Variants in KRAS observed in about 807,000 individuals in gnomAD.
KRAS encodes the protein GTPase KRas.
In KRAS, 1 loss-of-function variant was observed where a neutral mutation model predicts 21.0. That is an observed-to-expected ratio of 0.05 (90% confidence interval 0.02 to 0.23). The LOEUF (loss-of-function observed/expected upper bound fraction) is 0.23. Ranked by LOEUF, KRAS falls within the 10% of genes least tolerant of loss-of-function variation. KRAS has a pLI of 1.00. For missense variants in KRAS, 107 were observed against 221.8 expected, an observed-to-expected ratio of 0.48 and a Z score of 3.29; for synonymous variants, 67 against 72.5, an observed-to-expected ratio of 0.92 and a Z score of 0.39.
At chr12:25,213,366 T>C (rs75898875) in intron 4 of KRAS, among the ~76,000 whole-genome samples, 9,393 of 152,252 alleles carry the variant, frequency 0.062, 391 homozygotes, top group Non-Finnish European at 0.093. Context: ...AAATAAAAAA[T>C]TAAAACCACC....
intron 1 of KRAS, among the ~76,000 whole-genome samples, chr12:25,245,608 T>A (rs1184895223): frequency 6.6e-6 from 1 of 152,234 alleles, no homozygotes; most frequent in Non-Finnish European, 1.5e-5. Context: ...AACTCCTCCA[T>A]CGACGCTTAA....
intron 4 of KRAS, among the ~76,000 whole-genome samples, chr12:25,214,144 G>A (rs1951228463): frequency 1.3e-5 from 2 of 152,162 alleles, no homozygotes; most frequent in South Asian, 2.1e-4. Context: ...GGAGACTGGG[G>A]AATCATGAGA....
At chr12:25,248,634 T>G (rs951994685) in intron 1 of KRAS, among the ~76,000 whole-genome samples, 3 of 151,540 alleles carry the variant, frequency 2.0e-5, no homozygotes, top group Non-Finnish European at 2.9e-5. Context: ...TTGAATGAGA[T>G]TTTTAAAACC....
At position 25,209,784 on chromosome 12, in the gene KRAS, A is replaced by T; in HGVS notation, c.*11T>A. 6.2e-7 allele frequency: 1 copy of T among 1,606,012 alleles called. No homozygotes were observed. Among genetic ancestry groups the T allele is most frequent in the Non-Finnish European group, 8.5e-7 (1 of 1,174,140 alleles). On this transcript the variant is annotated 3_prime_UTR_variant, in exon 5 of 5. Transcript: ENST00000311936. ...TACTAGTATGCCTTAAGAAAAAAGTACAAATTGTATTTACATAATTACACA... is the reference window on the plus strand; with the variant it reads ...TACTAGTATGCCTTAAGAAAAAAGTTCAAATTGTATTTACATAATTACACA...
rs1213931592 is a variant in KRAS, at chr12:25,209,813, T to C, written c.549A>G (p.Thr183=). The C allele has an allele frequency of 1.7e-5, 27 of 1,609,478 alleles. No individual in the cohort carries two copies. Among genetic ancestry groups the C allele is most frequent in the Non-Finnish European group, 2.3e-5 (27 of 1,176,596 alleles). The change falls in exon 5 of 5, where the codon ACA becomes ACG. Residue 183 remains threonine, a synonymous_variant. Coordinates refer to ENST00000311936, the MANE Select transcript of KRAS (RefSeq NM_004985.5). ...DGKKKKKKSK[T]KCVIM The stretch of plus-strand genomic sequence containing the variant: ...ATTGTATTTACATAATTACACACTT[T>C]GTCTTTGACTTCTTTTTCTTCTTTT...
intron 2 of KRAS, chr12:25,235,199 G>T: frequency 5.5e-6 from 3 of 546,232 alleles, no homozygotes; most frequent in South Asian, 4.8e-5. Context: ...AGTATTGTAA[G>T]GACTTTTTAC....
chr12:25,232,026 T>C (rs979665003), intron 2 of KRAS, among the ~76,000 whole-genome samples: 2 of 152,078 alleles, frequency 1.3e-5, no homozygotes, highest in African/African-American at 4.8e-5. Context: ...AGTCCTACAG[T>C]TGGCCCAGGA....
chr12:25,228,014 G>A (rs1397483658), intron 2 of KRAS, among the ~76,000 whole-genome samples: 5 of 152,086 alleles, frequency 3.3e-5, no homozygotes, highest in Non-Finnish European at 7.4e-5. Flanking sequence ...ACATTATTCA[G>A]CCATAAAAAG....
intron 2 of KRAS, among the ~76,000 whole-genome samples, chr12:25,238,619 C>T (rs963409092): frequency 6.6e-6 from 1 of 152,166 alleles, no homozygotes; most frequent in African/African-American, 2.4e-5. Flanking sequence ...AACTAAAACA[C>T]AACAAAGGAT....
At chr12:25,232,276 T>C (rs1394112749) in intron 2 of KRAS, among the ~76,000 whole-genome samples, 3 of 152,230 alleles carry the variant, frequency 2.0e-5, no homozygotes, top group African/African-American at 4.8e-5. Flanking sequence ...TATTGCCCAT[T>C]AGCTAGGAAT....
chr12:25,246,785 C>T (rs557003320), intron 1 of KRAS, among the ~76,000 whole-genome samples: 293 of 151,864 alleles, frequency 1.9e-3, no homozygotes, highest in African/African-American at 6.4e-3. Context: ...GGCGTGGTGG[C>T]GGGCGCCTGT....
intron 2 of KRAS, among the ~76,000 whole-genome samples, chr12:25,231,286 C>T (rs1306613696): frequency 6.6e-6 from 1 of 151,556 alleles, no homozygotes; most frequent in Non-Finnish European, 1.5e-5. Context: ...ATTTTTAGTA[C>T]AGATTGGCCA....
chr12:25,228,382 A>G (rs1951421407), intron 2 of KRAS, among the ~76,000 whole-genome samples: 1 of 151,966 alleles, frequency 6.6e-6, no homozygotes, highest in Non-Finnish European at 1.5e-5. Flanking sequence ...CAAAATCCAA[A>G]AAAAAAATCT....
At position 25,218,617 on chromosome 12, in the gene KRAS, T is replaced by C. The variant is rs536815098; in HGVS notation, c.450+6997A>G. On this transcript the variant is annotated intron_variant, in intron 4 of 4. Coordinates refer to ENST00000311936, the MANE Select transcript of KRAS (RefSeq NM_004985.5). ...TTTACCACAGTTTTTCAGACTTAGTTATTTCTTGATAATATGCTTTAAAGT... is the reference window on the plus strand; with the variant it reads ...TTTACCACAGTTTTTCAGACTTAGTCATTTCTTGATAATATGCTTTAAAGT... 4.7e-4 allele frequency among the ~76,000 whole-genome samples: 71 copies of C among 152,344 alleles called. No individual in the cohort carries two copies. The South Asian group carries it at 9.1e-3, about 20-fold the overall frequency.
At chr12:25,213,746 C>T (rs984325630) in intron 4 of KRAS, among the ~76,000 whole-genome samples, 1 of 152,040 alleles carries the variant, frequency 6.6e-6, no homozygotes, top group African/African-American at 2.4e-5. Context: ...AATTTTATTG[C>T]CTATTCTTAA....
intron 4 of KRAS, among the ~76,000 whole-genome samples, chr12:25,218,578 T>G (rs1592800999): frequency 6.6e-6 from 1 of 152,330 alleles, no homozygotes; most frequent in East Asian, 1.9e-4. Context: ...ACTTAGGTTT[T>G]AGAGTACCAG....
chr12:25,237,527 T>C (rs1033939145), intron 2 of KRAS, among the ~76,000 whole-genome samples: 1 of 152,162 alleles, frequency 6.6e-6, no homozygotes, highest in Non-Finnish European at 1.5e-5. Flanking sequence ...CCTGCAGGCA[T>C]CTTGATATAC....
At position 25,227,335 on chromosome 12, in the gene KRAS, C is replaced by T. The variant is rs1592808357; in HGVS notation, c.189G>A (p.Glu63=). The part of the protein sequence containing the change: ...LDILDTAGQE[E]YSAMRDQYMR... ...TGTACTGGTCCCTCATTGCACTGTA[C>T]TCCTCTTGACCTGCTGTGTCGAGAA... The change falls in exon 3 of 5, where the codon GAG becomes GAA. Residue 63 remains glutamate (E), a synonymous_variant. Transcript: ENST00000311936. The T allele has an allele frequency of 6.2e-7, 1 of 1,614,044 alleles. No individual in the cohort carries two copies. Among genetic ancestry groups the T allele is most frequent in the Non-Finnish European group, 8.5e-7 (1 of 1,179,964 alleles).
At position 25,209,417 on chromosome 12, in the gene KRAS, T is replaced by C; in HGVS notation, c.*378A>G. ...CTGAAATTAGTAATTAATCCATTTA[T>C]GTGACTAGATAAAACACAGAATAGG... On this transcript the variant is annotated 3_prime_UTR_variant, in exon 5 of 5. Coordinates refer to ENST00000311936, the MANE Select transcript of KRAS (RefSeq NM_004985.5). 1.1e-6 allele frequency: 1 copy of C among 920,878 alleles called. No homozygotes were observed. Among genetic ancestry groups the C allele is most frequent in the African/African-American group, 1.7e-5 (1 of 58,884 alleles). The allele number at this position is 920,878 out of a possible 1,614,324, so 57.0% of individuals were successfully genotyped here.
Sources: allele counts gnomAD v4.1 joint callset (sites outside exome capture counted in the v4.1 genomes callset), GRCh38; gene constraint gnomAD v4.1.1; transcripts MANE v1.5; gene names NCBI Gene and HGNC (gene_info 2026-07-23, HGNC 2026-07-21).